SCYL2: variants seen among roughly 807,000 people sequenced by gnomAD.
SCYL2 encodes the protein SCY1-like protein 2.
A neutral mutation model predicts 100.4 loss-of-function variants in SCYL2; 36 were observed. The observed-to-expected ratio is 0.36, with a 90% CI of 0.27 to 0.47. The LOEUF is 0.47. Among genes scored for constraint, SCYL2 ranks in the 20% least tolerant of loss-of-function variants. SCYL2 has a pLI of 1.00. For synonymous variants in SCYL2, 330 were observed against 359.2 expected (o/e 0.92, Z 0.92); for missense variants, 902 against 1,083.9 (o/e 0.83, Z 2.36).
At chr12:100,338,102 C>G (rs969139078) in intron 17 of SCYL2, among the ~76,000 whole-genome samples, 45 of 152,054 alleles carry the variant, frequency 3.0e-4, no homozygotes, top group African/African-American at 1.1e-3. Context: ...CTGAGAAAAA[C>G]CTTTGTGGGC....
At chr12:100,296,626 A>G (rs541519643) in intron 3 of SCYL2, 1 of 152,324 alleles carries the variant, frequency 6.6e-6, no homozygotes, top group Non-Finnish European at 1.5e-5. Context: ...ATTACATTTG[A>G]CCAGTGAGAA....
intron 10 of SCYL2, among the ~76,000 whole-genome samples, chr12:100,318,957 A>G (rs1404249747): frequency 6.6e-6 from 1 of 152,198 alleles, no homozygotes; most frequent in African/African-American, 2.4e-5. Flanking sequence ...TTAAAAGTGT[A>G]ATTTAGTTTT....
At chr12:100,268,506 T>C (rs890056096) in intron 1 of SCYL2, among the ~76,000 whole-genome samples, 18 of 152,180 alleles carry the variant, frequency 1.2e-4, no homozygotes, top group African/African-American at 4.3e-4. Context: ...AACATTAAAC[T>C]GTAATCATAA....
chr12:100,327,506 G>A (rs1440922974), intron 12 of SCYL2, among the ~76,000 whole-genome samples: 1 of 151,632 alleles, frequency 6.6e-6, no homozygotes, highest in African/African-American at 2.4e-5. Context: ...TTTAATTTAA[G>A]GTTGTTTGCT....
intron 3 of SCYL2, among the ~76,000 whole-genome samples, chr12:100,292,569 C>G (rs2096311861): frequency 6.6e-6 from 1 of 152,116 alleles, no homozygotes; most frequent in Non-Finnish European, 1.5e-5. Context: ...ACCATCTCAC[C>G]CTTCAAAGGC....
chr12:100,331,297 A>G (rs980043314), intron 13 of SCYL2, among the ~76,000 whole-genome samples: 2 of 152,142 alleles, frequency 1.3e-5, no homozygotes, highest in African/African-American at 4.8e-5. Flanking sequence ...TTTCTGATTT[A>G]GAGTTTTTAA....
chr12:100,280,460 C>A (rs552184294), intron 1 of SCYL2, among the ~76,000 whole-genome samples: 132 of 152,236 alleles, frequency 8.7e-4, no homozygotes, highest in Non-Finnish European at 1.6e-3. Context: ...ACTGTCTATG[C>A]CCATGTATTC....
In SCYL2 at chr12:100,312,457, A is replaced by G. The variant is rs1449799762; in HGVS notation, c.656A>G (p.Asp219Gly). 1 of 1,612,686 alleles carries G rather than the reference A, an allele frequency of 6.2e-7. No homozygotes were observed. The highest frequency in any genetic ancestry group is 1.1e-5 in the South Asian group (1 of 90,994). ...CCTAAATTTCCTTGTAAAGAATGGG[A>G]CCCAAATTTACCTTCATTGTGTCTT... Reference protein sequence around the residue: ...QEPKFPCKEWDPNLPSLCLPN... With the variant: ...QEPKFPCKEWGPNLPSLCLPN... The change falls in exon 6 of 18, where the codon GAC becomes GGC. Residue 219 changes from aspartate (D) to glycine (G), a missense_variant. Physicochemically the swap from Asp to Gly is moderately conservative, Grantham distance 94 (BLOSUM62 -1). Coordinates refer to ENST00000360820, the MANE Select transcript of SCYL2 (RefSeq NM_017988.6).
Position 100,267,310 on chromosome 12 carries a change from A to C in SCYL2, c.-511A>C, listed in dbSNP as rs1592917276. On this transcript the variant is annotated 5_prime_UTR_variant, in exon 1 of 18. Coordinates refer to ENST00000360820, the MANE Select transcript of SCYL2 (RefSeq NM_017988.6). ...AAGCCAGAGTCAGTGGCCAGGCACG[A>C]AGGCAGAGCAGGAACAGCCAGGAGG... 4.1e-6 allele frequency: 2 copies of C among 485,046 alleles called. No homozygotes were observed. Among genetic ancestry groups the C allele is most frequent in the Admixed American group, 3.8e-5 (1 of 26,096 alleles). The allele number at this position is 485,046 out of a possible 1,614,324, so 30.0% of individuals were successfully genotyped here.
intron 17 of SCYL2, among the ~76,000 whole-genome samples, chr12:100,338,009 T>G (rs1437850139): frequency 6.6e-6 from 1 of 152,188 alleles, no homozygotes; most frequent in Non-Finnish European, 1.5e-5. Flanking sequence ...GAGTTTACAC[T>G]GTTACTGGTT....
In SCYL2 at chr12:100,302,723, T is replaced by C. The variant is rs138303537; in HGVS notation, c.480+4548T>C. ...TCAACCTTGGTGAATCTGATAATTA[T>C]GTGTCTTGAGGTTGCTCTTCTCAAG... On this transcript the variant is annotated intron_variant, in intron 4 of 17. Transcript: ENST00000360820. Among the ~76,000 whole-genome samples, 473 of 152,330 alleles carry C rather than the reference T, an allele frequency of 3.1e-3. 5 individuals are homozygous for C. Among genetic ancestry groups the C allele is most frequent in the South Asian group, 1.4e-3 (7 of 4,830 alleles).
rs7971710 is a variant in SCYL2 at position 100,323,520 on chromosome 12, T to C, written c.1396-5T>C. Reference sequence around the variant, plus strand: ...TAATATTGATTCAGTTTATTTTCTTTATAGGAGCTCTGTCTAAACATCATT... The same window carrying C: ...TAATATTGATTCAGTTTATTTTCTTCATAGGAGCTCTGTCTAAACATCATT... On this transcript the variant is annotated splice_region_variant and splice_polypyrimidine_tract_variant and intron_variant, in intron 10 of 17. Coordinates refer to ENST00000360820, the MANE Select transcript of SCYL2 (RefSeq NM_017988.6). The C allele has an allele frequency of 4.0e-6, 6 of 1,503,484 alleles. No individual in the cohort carries two copies. The Admixed American group carries it at 5.3e-5, about 13-fold the overall frequency. 93.1% of individuals were successfully genotyped at this position (1,503,484 alleles called of 1,614,324 possible).
At chr12:100,296,979 T>A (rs2096321594) in intron 3 of SCYL2, among the ~76,000 whole-genome samples, 1 of 152,198 alleles carries the variant, frequency 6.6e-6, no homozygotes. Flanking sequence ...GAAAAGTTAT[T>A]CAGGTATTGG....
rs1247715590 is a variant in SCYL2, at chr12:100,278,659, CT to C, written c.-28-4282del. Reference sequence around the variant, plus strand: ...TTTTTTTTTTTTTTTGAGATGGAGTCTTGCTCCCTCGCCAAGCTGGAGTGCA... The same window carrying C: ...TTTTTTTTTTTTTTTGAGATGGAGTCTGCTCCCTCGCCAAGCTGGAGTGCA... On this transcript the variant is annotated intron_variant, in intron 1 of 17. Coordinates refer to ENST00000360820, the MANE Select transcript of SCYL2 (RefSeq NM_017988.6). Among the ~76,000 whole-genome samples, 9 of 129,076 alleles carry C rather than the reference CT, an allele frequency of 7.0e-5. No homozygotes were observed. In the East Asian group the frequency reaches 1.6e-3, roughly 23 times the overall value. The allele number at this position is 129,076 out of a possible 152,430, so 84.7% of individuals were successfully genotyped here. A position where few individuals can be genotyped will look rare whatever the true frequency, so the allele number is the denominator to read the frequency against.
At chr12:100,294,701 A>C (rs1592940609) in intron 3 of SCYL2, among the ~76,000 whole-genome samples, 3 of 79,406 alleles carry the variant, frequency 3.8e-5, no homozygotes, top group African/African-American at 1.2e-4. Flanking sequence ...CGGGGGGCTG[A>C]CCCCCCCACC....
Position 100,338,517 on chromosome 12 carries a change from A to G in SCYL2, c.2146-11A>G. 6.4e-7 allele frequency: 1 copy of G among 1,555,526 alleles called. No individual in the cohort carries two copies. The highest frequency in any genetic ancestry group is 1.2e-5 in the South Asian group (1 of 83,046). ...TTCTTAGAGATAAAGTAATTCTCTC[A>G]TATTTTTCAGACTAAGGACTTGACA... On this transcript the variant is annotated splice_polypyrimidine_tract_variant and intron_variant, in intron 17 of 17. Coordinates refer to ENST00000360820, the MANE Select transcript of SCYL2 (RefSeq NM_017988.6).
At chr12:100,311,245 C>A in intron 5 of SCYL2, 52 bp downstream of exon 5, 1 of 1,536,694 alleles carries the variant, frequency 6.5e-7, no homozygotes, top group South Asian at 1.3e-5. Flanking sequence ...ATTTTGATTG[C>A]ATCTGGAATG....
chr12:100,337,689 T>C (rs1183146361), intron 17 of SCYL2, among the ~76,000 whole-genome samples, 183 bp downstream of exon 17: 1 of 152,164 alleles, frequency 6.6e-6, no homozygotes, highest in Non-Finnish European at 1.5e-5. Context: ...TAATGTATAA[T>C]GTTTTGTGAC....
rs78341526 is a variant in SCYL2, at chr12:100,267,797, G to A, written c.-29+5G>A. 6.6e-6 allele frequency: 1 copy of A among 152,328 alleles called. No homozygotes were observed. Among genetic ancestry groups the A allele is most frequent in the East Asian group, 1.9e-4 (1 of 5,172 alleles). The allele number at this position is 152,328 out of a possible 1,614,324, so 9.4% of individuals were successfully genotyped here. ...TGGACACTACTCTAGGACCGGGTGA[G>A]AGAGTTCACCTCAGTTCTGAGGTCC... On this transcript the variant is annotated splice_donor_5th_base_variant and intron_variant, in intron 1 of 17. Coordinates refer to ENST00000360820, the MANE Select transcript of SCYL2 (RefSeq NM_017988.6).
Sources: allele counts gnomAD v4.1 joint callset (sites outside exome capture counted in the v4.1 genomes callset), GRCh38; gene constraint gnomAD v4.1.1; transcripts MANE v1.5; gene names NCBI Gene and HGNC (gene_info 2026-07-23, HGNC 2026-07-21).